The following SLC9A8 variants were observed in gnomAD, a reference collection of about 807,000 sequenced individuals.
SLC9A8 encodes the protein solute carrier family 9 member A8.
In SLC9A8, 48 loss-of-function variants were observed where a neutral mutation model predicts 66.6. The ratio of observed to expected loss-of-function variants is 0.72; its 90% CI spans 0.57 to 0.92. The LOEUF is 0.92. Among genes scored for constraint, SLC9A8 ranks in the 40% least tolerant of loss-of-function variants. The pLI, the probability that SLC9A8 is intolerant of heterozygous loss-of-function variation, is 0.00. For synonymous variants in SLC9A8, 274 were observed against 282.6 expected, an observed-to-expected ratio of 0.97 and a Z score of 0.31; for missense variants, 599 against 747.3, an observed-to-expected ratio of 0.80 and a Z score of 2.31.
chr20:49,820,061 T>G (rs577274400), intron 2 of SLC9A8, among the ~76,000 whole-genome samples: 51 of 151,918 alleles, frequency 3.4e-4, no homozygotes, highest in Admixed American at 1.1e-3. Flanking sequence ...TACCTGCAAG[T>G]GGAATTGCCG....
chr20:49,818,502 T>C (rs1030588946), intron 2 of SLC9A8, among the ~76,000 whole-genome samples: 14 of 147,912 alleles, frequency 9.5e-5, no homozygotes, highest in Non-Finnish European at 1.8e-4. Flanking sequence ...TTTTTTTTTT[T>C]CCCCCTGAGA....
At chr20:49,850,885 A>T (rs765283260) in intron 7 of SLC9A8, 41 bp downstream of exon 7, 4 of 1,464,828 alleles carry the variant, frequency 2.7e-6, no homozygotes, top group Non-Finnish European at 2.8e-6. Context: ...ACTGCTTTTC[A>T]GACAGGGGAA....
chr20:49,881,763 A>G (rs1392435907), intron 13 of SLC9A8, among the ~76,000 whole-genome samples: 4 of 152,178 alleles, frequency 2.6e-5, no homozygotes, highest in South Asian at 2.1e-4. Flanking sequence ...TTTCATATAT[A>G]TGTACGTATG....
chr20:49,853,225 C>T (rs570728262), intron 7 of SLC9A8, among the ~76,000 whole-genome samples: 1 of 152,324 alleles, frequency 6.6e-6, no homozygotes, highest in South Asian at 2.1e-4. Context: ...CTCGCTGTAG[C>T]CTCAAACTCC....
Position 49,831,040 on chromosome 20 carries a change from C to T in SLC9A8, c.289+7899C>T, listed in dbSNP as rs1256689287. 1.6e-5 allele frequency: 12 copies of T among 727,842 alleles called. No homozygotes were observed. In the Admixed American group the frequency reaches 1.7e-4, roughly 11 times the overall value. The allele number at this position is 727,842 out of a possible 1,614,324, so 45.1% of individuals were successfully genotyped here. ...TGTACAAAAGAGCCAAGGCACTGGACCAGTCCAACAATATGTCCGCTGTGT... is the reference window on the plus strand; with the variant it reads ...TGTACAAAAGAGCCAAGGCACTGGATCAGTCCAACAATATGTCCGCTGTGT... On this transcript the variant is annotated intron_variant, in intron 3 of 15. Transcript: ENST00000361573.
At chr20:49,876,518 C>T (rs1055288149) in intron 11 of SLC9A8, among the ~76,000 whole-genome samples, 7 of 152,126 alleles carry the variant, frequency 4.6e-5, no homozygotes, top group Non-Finnish European at 8.8e-5. Flanking sequence ...GTTTGTTGAA[C>T]CTCTCAGAAA....
chr20:49,821,359 C>T (rs2086733255), intron 2 of SLC9A8, among the ~76,000 whole-genome samples: 1 of 152,170 alleles, frequency 6.6e-6, no homozygotes, highest in Non-Finnish European at 1.5e-5. Context: ...TCATTAGTCA[C>T]ATGTTATGTT....
At position 49,830,563 on chromosome 20, in the gene SLC9A8, G is replaced by A. The variant is rs146340808; in HGVS notation, c.289+7422G>A. ...GCCTGGGTGATTGCGTCCAGGTCGG[G>A]GGGTCGCTTTCCAGAAGCTCCCATC... On this transcript the variant is annotated intron_variant, in intron 3 of 15. Transcript: ENST00000361573. 4.0e-3 allele frequency: 2,500 copies of A among 618,574 alleles called. 11 individuals are homozygous for A. Among genetic ancestry groups the A allele is most frequent in the Non-Finnish European group, 5.1e-3 (1,766 of 344,964 alleles). 38.3% of individuals were successfully genotyped at this position (618,574 alleles called of 1,614,324 possible).
At chr20:49,823,257 T>C in intron 3 of SLC9A8, 116 bp downstream of exon 3, 1 of 816,078 alleles carries the variant, frequency 1.2e-6, no homozygotes, top group Non-Finnish European at 2.1e-6. Flanking sequence ...TCTCATTTGA[T>C]CCTCACTGCA....
intron 10 of SLC9A8, among the ~76,000 whole-genome samples, chr20:49,868,282 C>T (rs2089058229): frequency 6.6e-6 from 1 of 152,208 alleles, no homozygotes; most frequent in African/African-American, 2.4e-5. Context: ...CCTTAGGGAC[C>T]TTGCTCCACA....
rs552253250 is a variant in SLC9A8 at position 49,862,794 on chromosome 20, G to A, written c.714-135G>A. On this transcript the variant is annotated intron_variant, in intron 8 of 15. Coordinates refer to ENST00000361573, the MANE Select transcript of SLC9A8 (RefSeq NM_015266.3). ...GGGACAAAGTAGGTGAACAATAAAC[G>A]TTTGGCTGACTGAATGAATGATGGT... is the stretch of plus-strand genomic sequence containing the variant. 1.9e-4 allele frequency: 145 copies of A among 765,918 alleles called. 1 individual carries two copies. In the African/African-American group the frequency reaches 1.9e-3, roughly 10 times the overall value. 47.4% of individuals were successfully genotyped at this position (765,918 alleles called of 1,614,324 possible).
chr20:49,875,027 G>T (rs1194985420), intron 11 of SLC9A8, among the ~76,000 whole-genome samples: 1 of 152,070 alleles, frequency 6.6e-6, no homozygotes, highest in Non-Finnish European at 1.5e-5. Flanking sequence ...ATGAACATCT[G>T]GCGCCTACAA....
chr20:49,865,838 G>T (rs1203730986), intron 10 of SLC9A8, among the ~76,000 whole-genome samples: 1 of 152,218 alleles, frequency 6.6e-6, no homozygotes, highest in African/African-American at 2.4e-5. Flanking sequence ...GCTCTGCCCT[G>T]GAAGTCTGAT....
rs562382247 is a variant in SLC9A8, at chr20:49,831,099, C to T, written c.289+7958C>T. On this transcript the variant is annotated intron_variant, in intron 3 of 15. Coordinates refer to ENST00000361573, the MANE Select transcript of SLC9A8 (RefSeq NM_015266.3). ...TGCATACACTAAGCCGTCGGACCCCCCACCCCCAGCCCTCTAATCTCTCCG... is the reference window on the plus strand; with the variant it reads ...TGCATACACTAAGCCGTCGGACCCCTCACCCCCAGCCCTCTAATCTCTCCG... 2.6e-3 allele frequency: 1,617 copies of T among 622,198 alleles called. 8 individuals carry two copies. Among genetic ancestry groups the T allele is most frequent in the Non-Finnish European group, 4.0e-3 (1,337 of 334,726 alleles). The allele number at this position is 622,198 out of a possible 1,614,324, so 38.5% of individuals were successfully genotyped here.
chr20:49,827,186 C>T (rs912434548), intron 3 of SLC9A8, among the ~76,000 whole-genome samples: 3 of 151,646 alleles, frequency 2.0e-5, no homozygotes, highest in African/African-American at 4.8e-5. Context: ...AAGTGATCTG[C>T]CTGCCTCGGC....
chr20:49,863,015 T>C lies in SLC9A8; in HGVS notation c.800T>C (p.Met267Thr). The change falls in exon 9 of 16, where the codon ATG becomes ACG. Residue 267 changes from methionine (M) to threonine (T), a missense_variant. Physicochemically the swap from Met to Thr is moderately conservative, Grantham distance 81. This residue lies in a region of SLC9A8 where 467 missense variants were observed against 626.5 expected (regional missense o/e 0.75). Coordinates refer to ENST00000361573, the MANE Select transcript of SLC9A8 (RefSeq NM_015266.3). The stretch of plus-strand genomic sequence containing the variant: ...CAAGCCCTTGACTACTTCCTCAAAA[T>C]GTTCTTTGGCTCTGCAGCGCTCGGC... ...FLQALDYFLKMFFGSAALGTL... is the reference protein window; with the variant it reads ...FLQALDYFLKTFFGSAALGTL... The C allele has an allele frequency of 1.2e-6, 2 of 1,614,082 alleles. No homozygotes were observed. The highest frequency in any genetic ancestry group is 1.3e-5 in the African/African-American group (1 of 75,054).
rs1318773236 is a variant in SLC9A8 at position 49,890,614 on chromosome 20, C to G, written c.*2678C>G. 1 of 152,234 alleles carries G rather than the reference C, an allele frequency of 6.6e-6. No homozygotes were observed. Among genetic ancestry groups the G allele is most frequent in the South Asian group, 2.1e-4 (1 of 4,828 alleles). 9.4% of individuals were successfully genotyped at this position (152,234 alleles called of 1,614,324 possible). A position where few individuals can be genotyped will look rare whatever the true frequency, so the allele number is the denominator to read the frequency against. ...TTTCTGCAGCCTGTAGTTGTTATGA[C>G]CCCTCGGAACAACCACCCCGTGGCT... On this transcript the variant is annotated 3_prime_UTR_variant, in exon 16 of 16. Coordinates refer to ENST00000361573, the MANE Select transcript of SLC9A8 (RefSeq NM_015266.3).
chr20:49,818,500 T>TA (rs1157031542), intron 2 of SLC9A8, among the ~76,000 whole-genome samples: 37 of 149,870 alleles, frequency 2.5e-4, no homozygotes, highest in African/African-American at 3.9e-4. Context: ...TTTTTTTTTT[T>TA]TTCCCCCTGA....
rs188863769 is a variant in SLC9A8 at position 49,847,242 on chromosome 20, A to G, written c.432+2123A>G. Among the ~76,000 whole-genome samples, 599 of 151,882 alleles carry G rather than the reference A, an allele frequency of 3.9e-3. 6 individuals carry two copies. The highest frequency in any genetic ancestry group is 0.014 in the African/African-American group (575 of 41,562). ...AAGGAAACATAAGTTGAAGGTCACC[A>G]TGTCTTTCCTTTCACTTTGTAAACA... On this transcript the variant is annotated intron_variant, in intron 5 of 15. Coordinates refer to ENST00000361573, the MANE Select transcript of SLC9A8 (RefSeq NM_015266.3).
Sources: allele counts gnomAD v4.1 joint callset (sites outside exome capture counted in the v4.1 genomes callset), GRCh38; gene constraint gnomAD v4.1.1; regional missense constraint gnomAD v4.1.1; transcripts MANE v1.5; gene names NCBI Gene and HGNC (gene_info 2026-07-23, HGNC 2026-07-21).